BMAL1: variants seen among roughly 807,000 people sequenced by gnomAD.
The protein encoded by BMAL1 is basic helix-loop-helix ARNT-like protein 1.
the BMAL1 span, among the ~76,000 whole-genome samples, chr11:13,298,928 A>G: frequency 1.3e-4 from 20 of 152,136 alleles, no homozygotes; most frequent in South Asian, 4.1e-4. Context: ...TCCTGTTCCA[A>G]TTGCAATTCC....
At chr11:13,374,214 G>T in the BMAL1 span, 2 of 1,607,110 alleles carry the variant, frequency 1.2e-6, no homozygotes, top group Admixed American at 1.7e-5. Context: ...AAGCTAGGAT[G>T]TATGAAAGAT....
chr11:13,344,877 G>A, the BMAL1 span, among the ~76,000 whole-genome samples: 1 of 152,212 alleles, frequency 6.6e-6, no homozygotes, highest in African/African-American at 2.4e-5. Context: ...ATCTGCCATG[G>A]CTGTTTGGGC....
chr11:13,377,888 C>T, the BMAL1 span, among the ~76,000 whole-genome samples: 1 of 152,238 alleles, frequency 6.6e-6, no homozygotes, highest in Non-Finnish European at 1.5e-5. Context: ...CAAGACTCAG[C>T]TCGGGGTTAA....
the BMAL1 span, among the ~76,000 whole-genome samples, chr11:13,367,707 A>G: frequency 1.3e-3 from 65 of 48,876 alleles, no homozygotes; most frequent in Admixed American, 0.012. Context: ...TCTGTCTCAG[A>G]AAAAAAAAAA....
chr11:13,346,946 A>G, the BMAL1 span, among the ~76,000 whole-genome samples: 1 of 152,254 alleles, frequency 6.6e-6, no homozygotes, highest in South Asian at 2.1e-4. Flanking sequence ...GAAGTAGCCC[A>G]GAAAGAGGCT....
At chr11:13,367,665 A>C in the BMAL1 span, among the ~76,000 whole-genome samples, 2 of 147,032 alleles carry the variant, frequency 1.4e-5, no homozygotes, top group Non-Finnish European at 3.0e-5. Flanking sequence ...TGTACCACTG[A>C]CTGCACTCCA....
the BMAL1 span, among the ~76,000 whole-genome samples, chr11:13,351,868 G>A: frequency 1.1e-4 from 16 of 152,338 alleles, no homozygotes; most frequent in East Asian, 3.1e-3. Flanking sequence ...TTTGGAGTTG[G>A]ATTATTGAGA....
At chr11:13,376,486 T>C in the BMAL1 span, 1 of 760,112 alleles carries the variant, frequency 1.3e-6, no homozygotes, top group South Asian at 1.5e-5. Context: ...CATTATATTA[T>C]CAAACAGTGA....
chr11:13,367,875 G>C, the BMAL1 span, among the ~76,000 whole-genome samples: 1 of 152,138 alleles, frequency 6.6e-6, no homozygotes, highest in African/African-American at 2.4e-5. Flanking sequence ...TGTGAGGATT[G>C]AAAGTGTTAA....
chr11:13,292,223 T>C, the BMAL1 span, among the ~76,000 whole-genome samples: 3 of 152,136 alleles, frequency 2.0e-5, no homozygotes, highest in Admixed American at 6.5e-5. Context: ...GACAACTGAA[T>C]GGAACACTTT....
the BMAL1 span, chr11:13,376,561 G>A: frequency 2.9e-6 from 4 of 1,388,560 alleles, no homozygotes; most frequent in Non-Finnish European, 4.1e-6. Flanking sequence ...AGTGGACACC[G>A]GACACCTTGG....
At chr11:13,336,979 T>TA in the BMAL1 span, among the ~76,000 whole-genome samples, 1 of 152,348 alleles carries the variant, frequency 6.6e-6, no homozygotes, top group South Asian at 2.1e-4. Context: ...TCTGAATACT[T>TA]ACTACTAAGT....
the BMAL1 span, among the ~76,000 whole-genome samples, chr11:13,375,017 C>A: frequency 3.9e-5 from 6 of 152,172 alleles, no homozygotes; most frequent in Non-Finnish European, 8.8e-5. Context: ...TGGGTTCTTC[C>A]CTCCCTCCTT....
the BMAL1 span, chr11:13,365,577 C>G: frequency 6.2e-7 from 1 of 1,613,492 alleles, no homozygotes; most frequent in Non-Finnish European, 8.5e-7. Context: ...TCTTCAAGAT[C>G]CTCAACTACA....
At chr11:13,374,426 T>A in the BMAL1 span, among the ~76,000 whole-genome samples, 1 of 152,282 alleles carries the variant, frequency 6.6e-6, no homozygotes, top group East Asian at 1.9e-4. Flanking sequence ...CTGAAAGACA[T>A]CTCTTGTTCA....
the BMAL1 span, chr11:13,386,724 G>A: frequency 6.2e-7 from 1 of 1,614,104 alleles, no homozygotes; most frequent in Non-Finnish European, 8.5e-7. Flanking sequence ...GGGTGGCCCT[G>A]TTGACTTTAG....
At chr11:13,348,264 T>TC in the BMAL1 span, among the ~76,000 whole-genome samples, 1 of 152,168 alleles carries the variant, frequency 6.6e-6, no homozygotes, top group South Asian at 2.1e-4. Flanking sequence ...TTTTAGTCTG[T>TC]CGGGGGGCTT....
At chr11:13,375,960 C>A in the BMAL1 span, among the ~76,000 whole-genome samples, 1 of 152,318 alleles carries the variant, frequency 6.6e-6, no homozygotes, top group Admixed American at 6.5e-5. Context: ...TTGTACCATG[C>A]AGGCCCTGGC....
the BMAL1 span, among the ~76,000 whole-genome samples, chr11:13,325,728 C>A: frequency 1.5e-3 from 231 of 149,046 alleles, 1 homozygote; most frequent in African/African-American, 5.5e-3. Context: ...AAAAATTCAA[C>A]CCTCTCCAAA....
Sources: gnomAD v4.1 joint callset for allele counts (sites outside exome capture counted in the v4.1 genomes callset) on GRCh38, gnomAD v4.1.1 for gene constraint, MANE v1.5 for transcripts, NCBI Gene and HGNC (gene_info 2026-07-23, HGNC 2026-07-21) for gene names.